The following MEF2A variants were observed in gnomAD, a reference collection of about 807,000 sequenced individuals.
The protein encoded by MEF2A is myocyte-specific enhancer factor 2A.
In MEF2A, 28 loss-of-function variants were observed where a neutral mutation model predicts 55.8. The observed-to-expected ratio is 0.50, with a 90% CI of 0.37 to 0.69. The LOEUF is 0.69. Among genes scored for constraint, MEF2A ranks in the 30% least tolerant of loss-of-function variants. The probability of loss-of-function intolerance (pLI) is 0.00; values close to 1 mark genes in which losing one functional copy is unlikely to be tolerated. For missense variants in MEF2A, 528 were observed against 626.2 expected, an observed-to-expected ratio of 0.84 and a Z score of 1.67; for synonymous variants, 239 against 227.1, an observed-to-expected ratio of 1.05 and a Z score of -0.47.
At chr15:99,588,883 A>G (rs1423753032) in intron 1 of MEF2A, among the ~76,000 whole-genome samples, 2 of 151,992 alleles carry the variant, frequency 1.3e-5, no homozygotes, top group Non-Finnish European at 2.9e-5. Flanking sequence ...ATTTTTGAAT[A>G]CTGAACCAAC....
intron 7 of MEF2A, among the ~76,000 whole-genome samples, chr15:99,684,465 T>C (rs577693310): frequency 6.6e-6 from 1 of 152,244 alleles, no homozygotes; most frequent in East Asian, 1.9e-4. Context: ...TGATAATTAG[T>C]GATGTTGAGC....
intron 3 of MEF2A, among the ~76,000 whole-genome samples, chr15:99,644,459 C>T (rs2045596499): frequency 6.6e-6 from 1 of 152,162 alleles, no homozygotes; most frequent in South Asian, 2.1e-4. Context: ...ATATTAAAGT[C>T]ATGCCCGTGA....
chr15:99,624,244 C>T (rs1266005893), intron 2 of MEF2A, among the ~76,000 whole-genome samples: 1 of 152,092 alleles, frequency 6.6e-6, no homozygotes, highest in Admixed American at 6.6e-5. Flanking sequence ...GGTGTTGTGA[C>T]TAAGAAATTA....
intron 10 of MEF2A, among the ~76,000 whole-genome samples, chr15:99,707,382 G>A (rs1227173129): frequency 6.6e-6 from 1 of 152,082 alleles, no homozygotes; most frequent in African/African-American, 2.4e-5. Flanking sequence ...GTGCACCTGA[G>A]GGGCAAAACA....
rs1261513727 is a variant in MEF2A at position 99,690,349 on chromosome 15, G to A, written c.779G>A (p.Gly260Asp). 2 of 1,613,534 alleles carry A rather than the reference G, an allele frequency of 1.2e-6. No individual in the cohort carries two copies. The highest frequency in any genetic ancestry group is 1.7e-6 in the Non-Finnish European group (2 of 1,179,782). Residue 260 changes from glycine to aspartate, a missense_variant, in exon 8 of 12, where the codon GGT becomes GAT. By Grantham distance (94) the Gly-to-Asp change is moderately conservative. Transcript: ENST00000557942. ...PTKSPPPPGG[G>D]NLGMNSRKPD... ...AAGTCTCCCCCTCCACCAGGTGGTG[G>A]TAATCTTGGAATGAACAGTAGGAAA...
At chr15:99,673,623 G>T (rs1319871310) in intron 5 of MEF2A, among the ~76,000 whole-genome samples, 1 of 152,128 alleles carries the variant, frequency 6.6e-6, no homozygotes, top group African/African-American at 2.4e-5. Context: ...TAAATGGTGT[G>T]TGGAGGAAAT....
intron 2 of MEF2A, among the ~76,000 whole-genome samples, chr15:99,611,780 C>T (rs533733340): frequency 2.6e-5 from 4 of 152,168 alleles, no homozygotes; most frequent in East Asian, 1.9e-4. Context: ...ATGTCTATCA[C>T]CTGATGAATG....
chr15:99,650,070 A>G (rs1232638661), intron 4 of MEF2A, among the ~76,000 whole-genome samples: 1 of 152,178 alleles, frequency 6.6e-6, no homozygotes, highest in African/African-American at 2.4e-5. Context: ...CTGGTGCACT[A>G]TTCCCAAAGA....
At chr15:99,704,595 CAG>C (rs2057806735) in intron 9 of MEF2A, among the ~76,000 whole-genome samples, 2 of 152,280 alleles carry the variant, frequency 1.3e-5, no homozygotes, top group African/African-American at 2.4e-5. Context: ...TTGTAGAACT[CAG>C]TGCCGTTGAG....
In MEF2A at chr15:99,602,653, G is replaced by GGTGTGTGTGTGTGT. The variant is rs773502316; in HGVS notation, c.-143+4175_-143+4188dup. 5.5e-3 allele frequency among the ~76,000 whole-genome samples: 247 copies of GGTGTGTGTGTGTGT among 44,854 alleles called. 31 individuals carry two copies. The highest frequency in any genetic ancestry group is 9.9e-3 in the South Asian group (8 of 810). 29.4% of individuals were successfully genotyped at this position (44,854 alleles called of 152,430 possible). On this transcript the variant is annotated intron_variant, in intron 2 of 11. Coordinates refer to ENST00000557942, the MANE Select transcript of MEF2A (RefSeq NM_001319206.4). ...CCTGGTGGTTGCCTGACATTCCTGG[G>GGTGTGTGTGTGTGT]GTGTGTGTGTGTGTGTGTGTGTGTG...
At position 99,675,547 on chromosome 15, in the gene MEF2A, A is replaced by T. The variant is rs2051816999; in HGVS notation, c.670+89A>T. On this transcript the variant is annotated intron_variant, in intron 7 of 11. Transcript: ENST00000557942. ...GTTCCTGAAATAAAGCTTTCTGGGA[A>T]ATTTCCTTCTGAAGGGTACTTTCAC... The T allele has an allele frequency of 9.2e-6, 11 of 1,191,062 alleles. No individual in the cohort carries two copies. The South Asian group carries it at 1.3e-4, about 15-fold the overall frequency. 73.8% of individuals were successfully genotyped at this position (1,191,062 alleles called of 1,614,324 possible).
chr15:99,680,219 G>A (rs1007773133), intron 7 of MEF2A, among the ~76,000 whole-genome samples: 1 of 151,966 alleles, frequency 6.6e-6, no homozygotes, highest in Non-Finnish European at 1.5e-5. Context: ...AACAGATAGG[G>A]GAATGTTTAG....
intron 1 of MEF2A, among the ~76,000 whole-genome samples, chr15:99,579,948 G>A (rs1244162394): frequency 6.6e-6 from 1 of 152,054 alleles, no homozygotes. Flanking sequence ...TTTGCCTGCT[G>A]CCAGAAGCTG....
intron 8 of MEF2A, among the ~76,000 whole-genome samples, chr15:99,691,092 C>T (rs1016361329): frequency 1.5e-5 from 2 of 137,646 alleles, no homozygotes; most frequent in African/African-American, 2.7e-5. Flanking sequence ...TAACACCTTT[C>T]GAATCAGGTT....
Position 99,655,078 on chromosome 15 carries a change from A to G in MEF2A, c.258+9314A>G, listed in dbSNP as rs138037478. Among the ~76,000 whole-genome samples, 56 of 152,236 alleles carry G rather than the reference A, an allele frequency of 3.7e-4. 1 individual carries two copies. The highest frequency in any genetic ancestry group is 1.3e-3 in the African/African-American group (53 of 41,558). On this transcript the variant is annotated intron_variant, in intron 4 of 11. Coordinates refer to ENST00000557942, the MANE Select transcript of MEF2A (RefSeq NM_001319206.4). The stretch of plus-strand genomic sequence containing the variant: ...CACAGTGGTAGAGAAAGGATAGAAT[A>G]TCCTGATTGGCTTATTGTAGCTAGA...
intron 4 of MEF2A, among the ~76,000 whole-genome samples, chr15:99,657,849 C>T (rs2047995904): frequency 6.6e-6 from 1 of 152,120 alleles, no homozygotes; most frequent in African/African-American, 2.4e-5. Context: ...AAAAATAGAA[C>T]ATATCTGACA....
chr15:99,590,411 A>C (rs775657857), intron 1 of MEF2A, among the ~76,000 whole-genome samples: 2 of 147,804 alleles, frequency 1.4e-5, no homozygotes, highest in African/African-American at 2.5e-5. Context: ...TTTTTACTTA[A>C]TCTGACAATC....
intron 4 of MEF2A, among the ~76,000 whole-genome samples, chr15:99,653,036 T>G (rs2047106869): frequency 6.6e-6 from 1 of 152,214 alleles, no homozygotes; most frequent in South Asian, 2.1e-4. Context: ...GCCAAGATTT[T>G]TATGTTTCTC....
Position 99,699,094 on chromosome 15 carries a change from C to T in MEF2A, c.859-4268C>T, listed in dbSNP as rs72760555. 3.7e-3 allele frequency among the ~76,000 whole-genome samples: 565 copies of T among 151,944 alleles called. 2 individuals carry two copies. The highest frequency in any genetic ancestry group is 6.5e-3 in the Non-Finnish European group (440 of 67,960). On this transcript the variant is annotated intron_variant, in intron 8 of 11. Transcript: ENST00000557942. The stretch of plus-strand genomic sequence containing the variant: ...AACAAAAAAAACTTGCTGTACAATC[C>T]GGTAATGCCACTCTTTGAGTATTTA...
Sources: allele counts gnomAD v4.1 joint callset (sites outside exome capture counted in the v4.1 genomes callset), GRCh38; gene constraint gnomAD v4.1.1; transcripts MANE v1.5; gene names NCBI Gene and HGNC (gene_info 2026-07-23, HGNC 2026-07-21).